The following BIN3 variants were observed in gnomAD, a reference collection of about 807,000 sequenced individuals.
BIN3 encodes the protein bridging integrator 3.
A neutral mutation model predicts 38.2 loss-of-function variants in BIN3; 41 were observed. The ratio of observed to expected loss-of-function variants is 1.07; its 90% CI spans 0.84 to 1.39. The LOEUF (loss-of-function observed/expected upper bound fraction) is 1.39. BIN3 is among the 40% of genes most tolerant of loss of function. The pLI is 0.00. For missense variants in BIN3, 361 were observed against 324.3 expected (o/e 1.11, Z -0.87); for synonymous variants, 145 against 122.6 (o/e 1.18, Z -1.21).
chr8:22,636,924 C>T lies in BIN3; in HGVS notation c.96G>A (p.Gln32=). The T allele has an allele frequency of 6.2e-7, 1 of 1,612,874 alleles. No individual in the cohort carries two copies. The highest frequency in any genetic ancestry group is 1.1e-5 in the South Asian group (1 of 91,068). ...ATCTTTCTGGGGTTGACACTCACTG[C>T]TGAAGTTTTCCATACTCCCTTTCAA... The part of the protein sequence containing the change: ...RDFEREYGKL[Q]QLEEQTRRLQ... The change falls in exon 3 of 9, where the codon CAG becomes CAA. Residue 32 remains glutamine, a splice_region_variant and synonymous_variant. Coordinates refer to ENST00000276416, the MANE Select transcript of BIN3 (RefSeq NM_018688.6).
intron 6 of BIN3, among the ~76,000 whole-genome samples, chr8:22,626,936 G>A (rs1802025121): frequency 6.6e-6 from 1 of 152,230 alleles, no homozygotes; most frequent in Non-Finnish European, 1.5e-5. Flanking sequence ...GAGCGGGGGT[G>A]AGGGAGGCCG....
intron 5 of BIN3, 36 bp downstream of exon 5, chr8:22,630,406 G>A (rs746001140): frequency 1.2e-6 from 2 of 1,611,588 alleles, no homozygotes; most frequent in Non-Finnish European, 1.7e-6. Context: ...CCGGGCAGAA[G>A]TCATGCTTGC....
At chr8:22,625,963 G>A (rs1801992772) in intron 6 of BIN3, 2 of 152,786 alleles carry the variant, frequency 1.3e-5, no homozygotes, top group Non-Finnish European at 2.9e-5. Context: ...GGGAGTAAGA[G>A]GATATTAACT....
At chr8:22,634,522 G>A (rs1435955050) in intron 4 of BIN3, 10 of 456,114 alleles carry the variant, frequency 2.2e-5, no homozygotes, top group Non-Finnish European at 3.5e-5. Flanking sequence ...CTGAGGCTTA[G>A]GAGCTGGCAT....
intron 8 of BIN3, 30 bp downstream of exon 8, chr8:22,623,885 G>A (rs1472064052): frequency 1.2e-6 from 2 of 1,606,792 alleles, no homozygotes; most frequent in East Asian, 4.5e-5. Flanking sequence ...TGTATACCAA[G>A]CCCAGGGGAA....
intron 8 of BIN3, among the ~76,000 whole-genome samples, 180 bp downstream of exon 8, chr8:22,623,735 A>C (rs565407690): frequency 1.1e-4 from 17 of 152,354 alleles, no homozygotes; most frequent in African/African-American, 4.1e-4. Flanking sequence ...AACAGCAGAC[A>C]GGTCCCCCAA....
intron 1 of BIN3, among the ~76,000 whole-genome samples, chr8:22,650,866 G>A (rs1303640387): frequency 6.6e-6 from 1 of 152,146 alleles, no homozygotes; most frequent in East Asian, 1.9e-4. Context: ...AGCCACACTT[G>A]CAGCTCTTCT....
Position 22,620,752 on chromosome 8 carries a change from C to T in BIN3, c.*670G>A, listed in dbSNP as rs1255961740. The T allele has an allele frequency of 2.6e-5, 4 of 152,230 alleles. No homozygotes were observed. The highest frequency in any genetic ancestry group is 9.7e-5 in the African/African-American group (4 of 41,448). 9.4% of individuals were successfully genotyped at this position (152,230 alleles called of 1,614,324 possible). On this transcript the variant is annotated 3_prime_UTR_variant, in exon 9 of 9. Transcript: ENST00000276416. ...AATTTTACTTGAAAAAATAAAATTC[C>T]AGATACTCAGGTGAGACACAAACCC...
At chr8:22,629,915 C>A in intron 6 of BIN3, 49 bp downstream of exon 6, 1 of 1,537,742 alleles carries the variant, frequency 6.5e-7, no homozygotes, top group Non-Finnish European at 8.9e-7. Flanking sequence ...TGGCTGCTGA[C>A]CTGCCTCTCC....
At chr8:22,668,582 G>A (rs1803503463) in intron 1 of BIN3, among the ~76,000 whole-genome samples, 1 of 152,212 alleles carries the variant, frequency 6.6e-6, no homozygotes, top group Non-Finnish European at 1.5e-5. Flanking sequence ...CTGCTAAGTC[G>A]TGCAAAGAGG....
In BIN3 at chr8:22,630,570, T is replaced by C. The variant is rs768477513; in HGVS notation, c.169A>G (p.Lys57Glu). 10 of 1,613,868 alleles carry C rather than the reference T, an allele frequency of 6.2e-6. No individual in the cohort carries two copies. The highest frequency in any genetic ancestry group is 4.0e-5 in the African/African-American group (3 of 74,950). ...KSTDADLAMS[K>E]SAVKISLDLL... Reference sequence around the variant, plus strand: ...TCCAAGGATATCTTCACGGCAGATTTTGACATGGCTGTGGGAAGCCAAAGC... The same window carrying C: ...TCCAAGGATATCTTCACGGCAGATTCTGACATGGCTGTGGGAAGCCAAAGC... The change falls in exon 5 of 9, where the codon AAA (lysine) becomes GAA (glutamate). Residue 57 changes from lysine (K) to glutamate (E), a missense_variant. Coordinates refer to ENST00000276416, the MANE Select transcript of BIN3 (RefSeq NM_018688.6).
intron 4 of BIN3, chr8:22,634,648 C>A: frequency 2.4e-6 from 1 of 418,988 alleles, no homozygotes; most frequent in Non-Finnish European, 4.8e-6. Context: ...TAGGTGCCCA[C>A]TGCCCTGTGG....
At chr8:22,621,693 CTT>C (rs775546829) in intron 8 of BIN3, 125 bp from the exon 9 acceptor site, 157 of 1,053,276 alleles carry the variant, frequency 1.5e-4, no homozygotes, top group African/African-American at 1.0e-3. Context: ...AGCAGCGTGC[CTT>C]TGGGGATATG....
chr8:22,622,600 C>T (rs1473993684), intron 8 of BIN3: 1 of 152,430 alleles, frequency 6.6e-6, no homozygotes, highest in East Asian at 1.9e-4. Flanking sequence ...AAGAGGCAGT[C>T]AACAGCCCCC....
intron 1 of BIN3, 57 bp from the exon 2 acceptor site, chr8:22,644,860 A>G: frequency 6.7e-7 from 1 of 1,498,674 alleles, no homozygotes; most frequent in Middle Eastern, 1.7e-4. Flanking sequence ...GATGCAGCTC[A>G]AAGTATCAGT....
intron 1 of BIN3, among the ~76,000 whole-genome samples, chr8:22,646,493 T>C (rs1436838000): frequency 6.6e-6 from 1 of 152,230 alleles, no homozygotes; most frequent in Non-Finnish European, 1.5e-5. Context: ...CCACCGATAA[T>C]GACCCCAAAC....
In BIN3 at chr8:22,644,806, A is replaced by G. The variant is rs374137139; in HGVS notation, c.9-3T>C. On this transcript the variant is annotated splice_region_variant and splice_polypyrimidine_tract_variant and intron_variant, in intron 1 of 8. Coordinates refer to ENST00000276416, the MANE Select transcript of BIN3 (RefSeq NM_018688.6). ...GCTGCCCAATCTTAAAAGGAATCCT[A>G]TAAGAGAAAGAGACAAAGAGAGATA... The G allele has an allele frequency of 2.4e-5, 39 of 1,609,148 alleles. No individual in the cohort carries two copies. Among genetic ancestry groups the G allele is most frequent in the African/African-American group, 1.2e-4 (9 of 75,008 alleles).
chr8:22,663,207 AGTGTGT>A (rs3220194), intron 1 of BIN3, among the ~76,000 whole-genome samples: 168 of 150,252 alleles, frequency 1.1e-3, no homozygotes, highest in African/African-American at 3.3e-3. Context: ...TTCAAGTATA[AGTGTGT>A]GTGTGTGTGT....
chr8:22,645,347 T>C (rs1291239303), intron 1 of BIN3, among the ~76,000 whole-genome samples: 2 of 151,216 alleles, frequency 1.3e-5, no homozygotes, highest in Admixed American at 1.3e-4. Flanking sequence ...CCGGGCGTGG[T>C]GGCACATGCC....
Sources: gnomAD v4.1 joint callset for allele counts (sites outside exome capture counted in the v4.1 genomes callset) on GRCh38, gnomAD v4.1.1 for gene constraint, MANE v1.5 for transcripts, NCBI Gene and HGNC (gene_info 2026-07-23, HGNC 2026-07-21) for gene names.